The following OSBPL9 variants were observed in gnomAD, a reference collection of about 807,000 sequenced individuals.
The protein encoded by OSBPL9 is oxysterol binding protein like 9.
OSBPL9 carries 40 observed loss-of-function variants against 106.6 expected under a neutral mutation model. That is an observed-to-expected ratio of 0.38 (90% CI 0.29 to 0.49). The LOEUF is 0.49. OSBPL9 is among the 20% of genes least tolerant of loss of function. The probability of loss-of-function intolerance (pLI) is 0.97; values close to 1 mark genes in which losing one functional copy is unlikely to be tolerated. For missense variants in OSBPL9, 609 were observed against 887.2 expected (o/e 0.69, Z 3.98); for synonymous variants, 269 against 295.4 (o/e 0.91, Z 0.92).
At chr1:51,544,837 CTTTTTTTTTTTT>C in the OSBPL9 span, among the ~76,000 whole-genome samples, 4 of 80,276 alleles carry the variant, frequency 5.0e-5, no homozygotes, top group African/African-American at 1.6e-4. Flanking sequence ...AAGAGACATG[CTTTTTTTTTTTT>C]TTTTTTTTTT....
chr1:51,789,062 C>T lies in OSBPL9; in HGVS notation c.*1273C>T, dbSNP rs975974959. The T allele has an allele frequency of 1.5e-6, 1 of 676,630 alleles. No homozygotes were observed. The highest frequency in any genetic ancestry group is 2.5e-6 in the Non-Finnish European group (1 of 400,318). 41.9% of individuals were successfully genotyped at this position (676,630 alleles called of 1,614,324 possible). ...GCTAATTTTCCTTTGCCAGCTCCTA[C>T]AGTAACCCTGGGTTTATTAGTCTCA... On this transcript the variant is annotated 3_prime_UTR_variant, in exon 24 of 24. Transcript: ENST00000428468.
intron 2 of OSBPL9, among the ~76,000 whole-genome samples, chr1:51,611,585 G>A (rs1643988223): frequency 6.6e-6 from 1 of 152,178 alleles, no homozygotes; most frequent in Non-Finnish European, 1.5e-5. Flanking sequence ...ATTTTTGCTA[G>A]AAACTAAGGG....
the OSBPL9 span, among the ~76,000 whole-genome samples, chr1:51,563,233 A>C: frequency 6.6e-6 from 1 of 152,086 alleles, no homozygotes; most frequent in Non-Finnish European, 1.5e-5. Flanking sequence ...AAATAAATAA[A>C]ATAAAAAGTG....
chr1:51,666,081 C>T (rs138886506), intron 2 of OSBPL9, among the ~76,000 whole-genome samples: 1,699 of 152,164 alleles, frequency 0.011, 30 homozygotes, highest in African/African-American at 0.037. Flanking sequence ...CCCCTGACCT[C>T]AGGTGATCCG....
At chr1:51,711,066 C>T (rs941326682) in intron 3 of OSBPL9, among the ~76,000 whole-genome samples, 2 of 147,604 alleles carry the variant, frequency 1.4e-5, no homozygotes, top group Admixed American at 6.8e-5. Flanking sequence ...AAGAATTTTT[C>T]TTAGAGCAGA....
chr1:51,591,829 G>T (rs1010084311), intron 1 of OSBPL9, among the ~76,000 whole-genome samples: 1 of 151,938 alleles, frequency 6.6e-6, no homozygotes, highest in Admixed American at 6.6e-5. Flanking sequence ...AGAAATATTG[G>T]TATCTCGCTA....
intron 4 of OSBPL9, among the ~76,000 whole-genome samples, chr1:51,715,492 C>G (rs1238680240): frequency 6.6e-6 from 1 of 152,036 alleles, no homozygotes; most frequent in East Asian, 1.9e-4. Context: ...GAAAGTAAAT[C>G]TAGTTAGATG....
upstream of OSBPL9, among the ~76,000 whole-genome samples, chr1:51,612,395 C>T (rs1026836565): frequency 3.9e-5 from 6 of 152,150 alleles, no homozygotes; most frequent in East Asian, 1.9e-4. Flanking sequence ...TGATGTTTTA[C>T]GGTTAACATT....
At chr1:51,557,724 T>C in the OSBPL9 span, among the ~76,000 whole-genome samples, 1 of 152,212 alleles carries the variant, frequency 6.6e-6, no homozygotes, top group Non-Finnish European at 1.5e-5. Context: ...GAGTCCTCAG[T>C]GTTCTCATCA....
At chr1:51,640,868 C>G (rs1645746947) in intron 1 of OSBPL9, among the ~76,000 whole-genome samples, 1 of 151,366 alleles carries the variant, frequency 6.6e-6, no homozygotes, top group Non-Finnish European at 1.5e-5. Context: ...ATTGTAACCT[C>G]TAACTCCTGG....
At position 51,765,847 on chromosome 1, in the gene OSBPL9, C is replaced by T. The variant is rs1384533076; in HGVS notation, c.804C>T (p.Ser268=). ...STGSGHSPPS[S]SLTSPSHVNL... is the part of the protein sequence containing the mutation. Reference sequence around the variant, plus strand: ...GCAGTGGCCATTCACCACCGAGTAGCAGTCTCACTTCTCCAAGCCACGTGA... The same window carrying T: ...GCAGTGGCCATTCACCACCGAGTAGTAGTCTCACTTCTCCAAGCCACGTGA... The change falls in exon 12 of 24, where the codon AGC becomes AGT. Residue 268 remains serine, a synonymous_variant. Coordinates refer to ENST00000428468, the MANE Select transcript of OSBPL9 (RefSeq NM_024586.6). The T allele has an allele frequency of 6.2e-7, 1 of 1,613,794 alleles. No homozygotes were observed. Among genetic ancestry groups the T allele is most frequent in the South Asian group, 1.1e-5 (1 of 91,024 alleles).
intron 16 of OSBPL9, chr1:51,781,628 G>T: frequency 3.9e-6 from 1 of 254,366 alleles, no homozygotes; most frequent in Non-Finnish European, 7.7e-6. Flanking sequence ...GAATGATTTT[G>T]TGAAAAATAA....
intron 21 of OSBPL9, 128 bp downstream of exon 21, chr1:51,786,014 T>G: frequency 1.3e-6 from 1 of 782,718 alleles, no homozygotes; most frequent in Non-Finnish European, 2.1e-6. Flanking sequence ...AGCTGGAACT[T>G]TAGGACAGCT....
intron 18 of OSBPL9, 61 bp from the exon 19 acceptor site, chr1:51,784,203 C>T (rs1310675767): frequency 1.9e-6 from 3 of 1,549,526 alleles, no homozygotes; most frequent in African/African-American, 1.4e-5. Flanking sequence ...ATCAGCTCGA[C>T]AAGAAAGCCT....
intron 3 of OSBPL9, among the ~76,000 whole-genome samples, chr1:51,670,041 C>T (rs1388481954): frequency 1.3e-5 from 2 of 152,168 alleles, no homozygotes; most frequent in Admixed American, 6.5e-5. Flanking sequence ...CATTTCTCTG[C>T]TATTATCCTT....
chr1:51,640,293 A>G (rs1570720309), intron 1 of OSBPL9, among the ~76,000 whole-genome samples: 1 of 152,340 alleles, frequency 6.6e-6, no homozygotes, highest in Middle Eastern at 3.4e-3. Flanking sequence ...TGCAGTATAT[A>G]CTGGCACCAA....
At chr1:51,637,234 G>A (rs959705618) in intron 1 of OSBPL9, among the ~76,000 whole-genome samples, 1 of 152,144 alleles carries the variant, frequency 6.6e-6, no homozygotes, top group Non-Finnish European at 1.5e-5. Context: ...GCTCACGCCT[G>A]TAATCCACCA....
chr1:51,586,815 A>G (rs1645250251), intron 1 of OSBPL9, among the ~76,000 whole-genome samples: 1 of 152,108 alleles, frequency 6.6e-6, no homozygotes, highest in African/African-American at 2.4e-5. Flanking sequence ...GTAAGGGACT[A>G]CTGGTGGAAT....
At chr1:51,607,702 A>G (rs923381910) in intron 2 of OSBPL9, among the ~76,000 whole-genome samples, 2 of 152,140 alleles carry the variant, frequency 1.3e-5, no homozygotes, top group African/African-American at 4.8e-5. Context: ...AGCTATGTCT[A>G]TCTGTTAGCA....
Sources: allele counts gnomAD v4.1 joint callset (sites outside exome capture counted in the v4.1 genomes callset), GRCh38; gene constraint gnomAD v4.1.1; transcripts MANE v1.5; gene names NCBI Gene and HGNC (gene_info 2026-07-23, HGNC 2026-07-21).